Variants in SLC35F3 observed in about 807,000 individuals in gnomAD.
SLC35F3 encodes the protein putative thiamine transporter SLC35F3.
In SLC35F3, 25 loss-of-function variants were observed where a neutral mutation model predicts 49.9. The observed-to-expected ratio is 0.50, with a 90% CI of 0.37 to 0.70. SLC35F3 has a LOEUF of 0.70. SLC35F3 is among the 30% of genes least tolerant of loss of function. SLC35F3 has a pLI of 0.00. For synonymous variants in SLC35F3, 275 were observed against 265.4 expected, an observed-to-expected ratio of 1.04 and a Z score of -0.35; for missense variants, 525 against 639.8, an observed-to-expected ratio of 0.82 and a Z score of 1.94.
At chr1:234,194,991 C>T (rs1666786503) in intron 2 of SLC35F3, among the ~76,000 whole-genome samples, 1 of 152,328 alleles carries the variant, frequency 6.6e-6, no homozygotes, top group African/African-American at 2.4e-5. Context: ...TTTCAGCATC[C>T]TCCAGGCAGC....
intron 2 of SLC35F3, among the ~76,000 whole-genome samples, chr1:234,145,578 A>G (rs1239118934): frequency 6.6e-6 from 1 of 152,188 alleles, no homozygotes; most frequent in African/African-American, 2.4e-5. Flanking sequence ...TATTCGGGAA[A>G]AAAATGATGG....
At position 234,323,372 on chromosome 1, in the gene SLC35F3, G is replaced by T; in HGVS notation, c.*129G>T. ...GCGGTAAGTTCTATGGTATTTATTG[G>T]CATGTCCAATTTGCTTGCACTTTTC... On this transcript the variant is annotated 3_prime_UTR_variant, in exon 8 of 8. Transcript: ENST00000366618. This position sits in a 1 kb window ranked among gnomAD's most constrained non-coding sequence, Gnocchi z 4.5. 1.4e-6 allele frequency: 1 copy of T among 736,362 alleles called. No homozygotes were observed. The highest frequency in any genetic ancestry group is 1.9e-5 in the South Asian group (1 of 53,252). The allele number at this position is 736,362 out of a possible 1,614,324, so 45.6% of individuals were successfully genotyped here. A position where few individuals can be genotyped will look rare whatever the true frequency, so the allele number is the denominator to read the frequency against.
intron 2 of SLC35F3, among the ~76,000 whole-genome samples, chr1:233,915,924 T>A (rs541614931): frequency 1.3e-5 from 2 of 152,360 alleles, no homozygotes; most frequent in East Asian, 1.9e-4. Context: ...CATGTGGGAA[T>A]TCAAGATGAG....
intron 2 of SLC35F3, among the ~76,000 whole-genome samples, chr1:234,146,051 A>T (rs1403024602): frequency 1.3e-5 from 2 of 152,062 alleles, no homozygotes; most frequent in Non-Finnish European, 1.5e-5. Context: ...ATGTAGGTGG[A>T]TCTTTTTTTC....
intron 2 of SLC35F3, among the ~76,000 whole-genome samples, chr1:234,047,213 T>A (rs1024959633): frequency 6.6e-6 from 1 of 152,204 alleles, no homozygotes; most frequent in African/African-American, 2.4e-5. Context: ...TTTCCTCTTT[T>A]ATGTCCCTTG....
chr1:233,960,513 T>C (rs1474438310), intron 2 of SLC35F3, among the ~76,000 whole-genome samples: 1 of 152,240 alleles, frequency 6.6e-6, no homozygotes. Flanking sequence ...TCTGTTCGCC[T>C]GGCAGATGGC....
At chr1:233,947,828 T>G (rs904641457) in intron 2 of SLC35F3, among the ~76,000 whole-genome samples, 2 of 147,078 alleles carry the variant, frequency 1.4e-5, no homozygotes, top group African/African-American at 5.0e-5. Flanking sequence ...TTCTCAAGGC[T>G]GAGAGCCAAA....
chr1:234,119,693 C>G (rs748972624), intron 2 of SLC35F3, among the ~76,000 whole-genome samples: 1 of 152,150 alleles, frequency 6.6e-6, no homozygotes, highest in Non-Finnish European at 1.5e-5. Flanking sequence ...AGATACTTAA[C>G]TATTGCACTC....
intron 2 of SLC35F3, among the ~76,000 whole-genome samples, chr1:234,225,935 C>T (rs988492029): frequency 6.6e-6 from 1 of 152,128 alleles, no homozygotes; most frequent in Non-Finnish European, 1.5e-5. Context: ...ATGTGAAAGT[C>T]TGTATATGTA....
intron 2 of SLC35F3, among the ~76,000 whole-genome samples, chr1:234,183,998 C>CA (rs1322256056): frequency 8.5e-6 from 1 of 117,142 alleles, no homozygotes; most frequent in Non-Finnish European, 1.8e-5. Context: ...TCAGCTATAA[C>CA]AAAAAAAGGA....
In SLC35F3 at chr1:234,284,751, C is replaced by T. The variant is rs563253077; in HGVS notation, c.609-24350C>T. ...AGGTAACTCGTTCTGAATGATGATG[C>T]TCCGGGGTATCAACAGAACTAGCAA... is the stretch of plus-strand genomic sequence containing the variant. On this transcript the variant is annotated intron_variant, in intron 3 of 7. Coordinates refer to ENST00000366618, the MANE Select transcript of SLC35F3 (RefSeq NM_173508.4). Among the ~76,000 whole-genome samples the T allele has an allele frequency of 9.9e-5, 15 of 152,264 alleles. No homozygotes were observed. The South Asian group carries it at 2.9e-3, about 29-fold the overall frequency.
intron 2 of SLC35F3, among the ~76,000 whole-genome samples, chr1:234,172,293 G>A (rs1666410664): frequency 6.6e-6 from 1 of 152,140 alleles, no homozygotes; most frequent in Admixed American, 6.5e-5. Context: ...GAGTGCAGTG[G>A]CACAATCTTG....
intron 2 of SLC35F3, among the ~76,000 whole-genome samples, chr1:234,181,092 G>A (rs2102923570): frequency 6.6e-6 from 1 of 152,146 alleles, no homozygotes; most frequent in Non-Finnish European, 1.5e-5. Context: ...CAGCACTTTG[G>A]GAACCTGAGA....
At chr1:234,306,771 A>T (rs1657201121) in intron 3 of SLC35F3, among the ~76,000 whole-genome samples, 1 of 152,100 alleles carries the variant, frequency 6.6e-6, no homozygotes, top group South Asian at 2.1e-4. Flanking sequence ...TCCCTTCTCC[A>T]TCCCATCTAC....
chr1:233,930,962 C>A (rs574525055), intron 2 of SLC35F3, among the ~76,000 whole-genome samples: 1 of 152,208 alleles, frequency 6.6e-6, no homozygotes, highest in African/African-American at 2.4e-5. Flanking sequence ...TGGAACAGAA[C>A]AGAGGCCTCA....
Position 234,214,899 on chromosome 1 carries a change from T to A in SLC35F3, c.284-16518T>A. ...CCCAGTTTGTCCTGGGGCTCTTGTC[T>A]GTTCGGCAGGAGGGGGTCGTCCAGC... On this transcript the variant is annotated intron_variant, in intron 2 of 7. Coordinates refer to ENST00000366618, the MANE Select transcript of SLC35F3 (RefSeq NM_173508.4). The surrounding 1 kb of genome is among the most constrained non-coding windows in gnomAD (Gnocchi z 8.0). The A allele has an allele frequency of 3.6e-6, 1 of 275,212 alleles. No homozygotes were observed. Among genetic ancestry groups the A allele is most frequent in the Non-Finnish European group, 6.8e-6 (1 of 147,374 alleles). The allele number at this position is 275,212 out of a possible 1,614,324, so 17.0% of individuals were successfully genotyped here. A position where few individuals can be genotyped will look rare whatever the true frequency, so the allele number is the denominator to read the frequency against.
At chr1:233,939,622 C>T (rs548972258) in intron 2 of SLC35F3, among the ~76,000 whole-genome samples, 30 of 152,260 alleles carry the variant, frequency 2.0e-4, no homozygotes, top group African/African-American at 5.8e-4. Flanking sequence ...TGATTATGAA[C>T]GGCTGTGTTC....
chr1:234,133,672 T>C (rs1665767672), intron 2 of SLC35F3, among the ~76,000 whole-genome samples: 4 of 152,226 alleles, frequency 2.6e-5, no homozygotes, highest in South Asian at 2.1e-4. Context: ...CATCAGGCAT[T>C]TTAACTATGG....
At chr1:234,165,035 A>T (rs1223464927) in intron 2 of SLC35F3, among the ~76,000 whole-genome samples, 2 of 113,052 alleles carry the variant, frequency 1.8e-5, no homozygotes, top group African/African-American at 7.4e-5. Context: ...CTCTAGCTTC[A>T]ATTTGTGTGT....
Sources: allele counts gnomAD v4.1 joint callset (sites outside exome capture counted in the v4.1 genomes callset), GRCh38; gene constraint gnomAD v4.1.1; non-coding constraint Gnocchi (gnomAD v3.1); transcripts MANE v1.5; gene names NCBI Gene and HGNC (gene_info 2026-07-23, HGNC 2026-07-21).